CYTH1: variants seen among roughly 807,000 people sequenced by gnomAD.
CYTH1 encodes the protein cytohesin 1, also known as cytohesin-1.
CYTH1 carries 18 observed loss-of-function variants against 61.8 expected under a neutral mutation model. The observed-to-expected ratio is 0.29, with a 90% CI of 0.20 to 0.43. CYTH1 has a LOEUF of 0.43. CYTH1 is among the 20% of genes least tolerant of loss of function. CYTH1 has a pLI of 1.00. For synonymous variants in CYTH1, 174 were observed against 184.3 expected (o/e 0.94, Z 0.45); for missense variants, 336 against 510.5 (o/e 0.66, Z 3.29).
chr17:78,695,403 A>T (rs1209013929), intron 10 of CYTH1, among the ~76,000 whole-genome samples: 1 of 152,126 alleles, frequency 6.6e-6, no homozygotes, highest in Non-Finnish European at 1.5e-5. Context: ...TTCACTCGGT[A>T]TCATTTTGAG....
chr17:78,698,528 G>C lies in CYTH1; in HGVS notation c.700-148C>G. 4.2e-6 allele frequency: 3 copies of C among 707,526 alleles called. No individual in the cohort carries two copies. The East Asian group carries it at 8.2e-5, about 19-fold the overall frequency. 43.8% of individuals were successfully genotyped at this position (707,526 alleles called of 1,614,324 possible). On this transcript the variant is annotated intron_variant, in intron 8 of 13. Transcript: ENST00000446868. ...AGACTAGAAGATTATGACCATTTCTGCTTTCAGGCAGCTCACAGTGACAAA... is the reference window on the plus strand; with the variant it reads ...AGACTAGAAGATTATGACCATTTCTCCTTTCAGGCAGCTCACAGTGACAAA...
chr17:78,782,259 C>T lies in CYTH1; in HGVS notation c.-36G>A. 2 of 1,249,022 alleles carry T rather than the reference C, an allele frequency of 1.6e-6. No homozygotes were observed. Among genetic ancestry groups the T allele is most frequent in the South Asian group, 4.0e-5 (2 of 50,628 alleles). The allele number at this position is 1,249,022 out of a possible 1,614,324, so 77.4% of individuals were successfully genotyped here. A position where few individuals can be genotyped will look rare whatever the true frequency, so the allele number is the denominator to read the frequency against. On this transcript the variant is annotated 5_prime_UTR_variant, in exon 1 of 14. Coordinates refer to ENST00000446868, the MANE Select transcript of CYTH1 (RefSeq NM_004762.6). Reference sequence around the variant, plus strand: ...CCGGGCTCCGCGCTCCGGCTCGCCGCTCGCGTCCCGCCGCGCCACCCGCGC... The same window carrying T: ...CCGGGCTCCGCGCTCCGGCTCGCCGTTCGCGTCCCGCCGCGCCACCCGCGC...
At chr17:78,698,142 CGCACGCGCACACAT>C (rs2092962493) in intron 9 of CYTH1, 113 bp downstream of exon 9, 4 of 782,474 alleles carry the variant, frequency 5.1e-6, no homozygotes, top group Non-Finnish European at 8.8e-6. Context: ...TGCACACACA[CGCACGCGCACACAT>C]GCACACGCAC....
At chr17:78,707,931 G>A (rs961304638) in intron 3 of CYTH1, among the ~76,000 whole-genome samples, 10 of 152,016 alleles carry the variant, frequency 6.6e-5, no homozygotes, top group Non-Finnish European at 1.2e-4. Context: ...CACCTGCCTC[G>A]GCCTCCCAAA....
rs73387886 is a variant in CYTH1 at position 78,685,976 on chromosome 17, C to A, written c.892-4934G>T. Reference sequence around the variant, plus strand: ...TGGTCTAAGGGGCCAGGCTTTGGAGCGACCCTTTCTGTAACAGTTTCCTGA... The same window carrying A: ...TGGTCTAAGGGGCCAGGCTTTGGAGAGACCCTTTCTGTAACAGTTTCCTGA... On this transcript the variant is annotated intron_variant, in intron 11 of 13. Transcript: ENST00000446868. 2.9e-3 allele frequency among the ~76,000 whole-genome samples: 435 copies of A among 152,294 alleles called. 1 individual carries two copies. The highest frequency in any genetic ancestry group is 1.0e-2 in the African/African-American group (415 of 41,544).
At chr17:78,688,862 C>G (rs939936673) in intron 11 of CYTH1, among the ~76,000 whole-genome samples, 1 of 152,146 alleles carries the variant, frequency 6.6e-6, no homozygotes, top group African/African-American at 2.4e-5. Flanking sequence ...TTGAAATGAA[C>G]CTAGAATTTG....
Position 78,756,079 on chromosome 17 carries a change from A to T in CYTH1, c.22+26123T>A, listed in dbSNP as rs866059329. Among the ~76,000 whole-genome samples, 301 of 138,128 alleles carry T rather than the reference A, an allele frequency of 2.2e-3. 1 individual carries two copies. The highest frequency in any genetic ancestry group is 0.018 in the East Asian group (84 of 4,736). 90.6% of individuals were successfully genotyped at this position (138,128 alleles called of 152,430 possible). On this transcript the variant is annotated intron_variant, in intron 1 of 13. Transcript: ENST00000446868. The stretch of plus-strand genomic sequence containing the variant: ...ACTATTTATTTATTTATTTATTTTT[A>T]TTTTTTTTTTTTTTGAGACAGAGTC...
intron 11 of CYTH1, among the ~76,000 whole-genome samples, chr17:78,683,295 T>C (rs965650890): frequency 3.3e-5 from 5 of 152,196 alleles, no homozygotes; most frequent in Admixed American, 3.3e-4. Flanking sequence ...TCTTTGGCTG[T>C]TCGGCTGCTT....
chr17:78,777,276 G>A (rs1245475342), intron 1 of CYTH1, among the ~76,000 whole-genome samples: 7 of 151,630 alleles, frequency 4.6e-5, no homozygotes, highest in South Asian at 2.1e-4. Flanking sequence ...AAATTTAGCC[G>A]GGTGTGGTGG....
chr17:78,747,161 A>G (rs1228097800), intron 1 of CYTH1, among the ~76,000 whole-genome samples: 2 of 150,838 alleles, frequency 1.3e-5, no homozygotes, highest in Non-Finnish European at 3.0e-5. Flanking sequence ...AAAAAAAAAA[A>G]AAAAAAAAAG....
intron 1 of CYTH1, among the ~76,000 whole-genome samples, chr17:78,750,582 G>A (rs1447384191): frequency 6.6e-6 from 1 of 152,168 alleles, no homozygotes; most frequent in East Asian, 1.9e-4. Context: ...GCCTAGGCGG[G>A]TGGATCACGA....
Position 78,717,267 on chromosome 17 carries a change from G to T in CYTH1, c.23-7535C>A, listed in dbSNP as rs183422840. ...GCCCTGACACACCACCCGGTCGCTCGCCCTCCTCGCCCATTGCCAGAGGGG... is the reference window on the plus strand; with the variant it reads ...GCCCTGACACACCACCCGGTCGCTCTCCCTCCTCGCCCATTGCCAGAGGGG... On this transcript the variant is annotated intron_variant, in intron 1 of 13. Coordinates refer to ENST00000446868, the MANE Select transcript of CYTH1 (RefSeq NM_004762.6). This position sits in a 1 kb window ranked among gnomAD's most constrained non-coding sequence, Gnocchi z 4.4. Among the ~76,000 whole-genome samples, 10 of 152,256 alleles carry T rather than the reference G, an allele frequency of 6.6e-5. No individual in the cohort carries two copies. Among genetic ancestry groups the T allele is most frequent in the South Asian group, 2.1e-4 (1 of 4,824 alleles).
intron 1 of CYTH1, among the ~76,000 whole-genome samples, chr17:78,770,884 T>A (rs1598927147): frequency 6.6e-6 from 1 of 152,076 alleles, no homozygotes; most frequent in African/African-American, 2.4e-5. Flanking sequence ...TCCCAGCAGT[T>A]TGGGAGGCCA....
chr17:78,738,411 T>C (rs981032268), intron 1 of CYTH1, among the ~76,000 whole-genome samples: 1 of 152,180 alleles, frequency 6.6e-6, no homozygotes, highest in Non-Finnish European at 1.5e-5. Flanking sequence ...TTAGTCTTCA[T>C]TGTAAATGCA....
intron 1 of CYTH1, among the ~76,000 whole-genome samples, chr17:78,777,127 CAA>C (rs756083436): frequency 4.5e-5 from 4 of 89,750 alleles, no homozygotes; most frequent in Non-Finnish European, 2.4e-5. Flanking sequence ...CTCTGTCTCA[CAA>C]AAAAAAAAAA....
At chr17:78,689,687 A>T (rs1020447150) in intron 11 of CYTH1, among the ~76,000 whole-genome samples, 42 of 152,170 alleles carry the variant, frequency 2.8e-4, no homozygotes, top group African/African-American at 1.0e-3. Context: ...TGCTCATGGG[A>T]GACCCTCCAT....
intron 1 of CYTH1, chr17:78,724,169 T>C (rs1312420279): frequency 6.6e-6 from 1 of 152,128 alleles, no homozygotes; most frequent in East Asian, 1.9e-4. Context: ...ACAAGAAATA[T>C]GGCTACAGCC....
chr17:78,720,735 T>TG (rs2093220830), intron 1 of CYTH1, among the ~76,000 whole-genome samples: 1 of 151,510 alleles, frequency 6.6e-6, no homozygotes, highest in Non-Finnish European at 1.5e-5. Flanking sequence ...GTTAGCCACA[T>TG]GTGGTGGCAC....
intron 1 of CYTH1, among the ~76,000 whole-genome samples, chr17:78,766,824 G>T (rs1255104530): frequency 6.6e-6 from 1 of 152,150 alleles, no homozygotes; most frequent in Non-Finnish European, 1.5e-5. Flanking sequence ...AAATGAAGAG[G>T]GGGGTGTGAA....
Sources: allele counts gnomAD v4.1 joint callset (sites outside exome capture counted in the v4.1 genomes callset), GRCh38; gene constraint gnomAD v4.1.1; non-coding constraint Gnocchi (gnomAD v3.1); transcripts MANE v1.5; gene names NCBI Gene and HGNC (gene_info 2026-07-23, HGNC 2026-07-21).